DNAH3: variants seen among roughly 807,000 people sequenced by gnomAD.
The protein encoded by DNAH3 is dynein axonemal heavy chain 3.
DNAH3 carries 332 observed loss-of-function variants against 432.5 expected under a neutral mutation model. That is an observed-to-expected ratio of 0.77 (90% CI 0.70 to 0.84). The LOEUF is 0.84. Ranked by LOEUF, DNAH3 falls within the 40% of genes least tolerant of loss-of-function variation. The probability of loss-of-function intolerance (pLI) is 0.00; values close to 1 mark genes in which losing one functional copy is unlikely to be tolerated. For synonymous variants in DNAH3, 1,956 were observed against 1,900.2 expected (o/e 1.03, Z -0.76); for missense variants, 4,861 against 5,114.0 (o/e 0.95, Z 1.51).
intron 5 of DNAH3, among the ~76,000 whole-genome samples, chr16:21,136,796 TAC>T (rs1209627827): frequency 6.6e-6 from 1 of 151,640 alleles, no homozygotes; most frequent in African/African-American, 2.4e-5. Context: ...GTGGAGTGAG[TAC>T]AGAGTCCAGG....
At chr16:21,068,325 T>TGGGGGGGG (rs10547729) in intron 23 of DNAH3, among the ~76,000 whole-genome samples, 6 of 76,604 alleles carry the variant, frequency 7.8e-5, no homozygotes, top group Non-Finnish European at 1.2e-4. Flanking sequence ...TTTTTTTGGG[T>TGGGGGGGG]GGGGGGGGGG....
Position 20,947,255 on chromosome 16 carries a change from G to A in DNAH3, c.11343+1228C>T, listed in dbSNP as rs573889374. On this transcript the variant is annotated intron_variant, in intron 57 of 61. Coordinates refer to ENST00000261383, the Ensembl canonical transcript of DNAH3. ...GCTTCTGGATAGCTGACCACGTGGA[G>A]GTTCCTGGAGGGTATTTCACCCAGG... Among the ~76,000 whole-genome samples, 16 of 152,212 alleles carry A rather than the reference G, an allele frequency of 1.1e-4. No individual in the cohort carries two copies. In the East Asian group the frequency reaches 3.1e-3, roughly 29 times the overall value.
chr16:21,145,580 T>C (rs376410914), intron 2 of DNAH3, among the ~76,000 whole-genome samples, 174 bp from the exon 4 acceptor site: 2 of 152,208 alleles, frequency 1.3e-5, no homozygotes, highest in Non-Finnish European at 2.9e-5. Flanking sequence ...TCTCTGACCA[T>C]TGTAAGCATG....
At chr16:21,062,829 C>G (rs2090410369) in intron 24 of DNAH3, 146 bp from the exon 25 acceptor site, 5 of 636,948 alleles carry the variant, frequency 7.8e-6, no homozygotes, top group Non-Finnish European at 1.3e-5. Context: ...TCTTTTATCA[C>G]TTTTCATCTG....
intron 23 of DNAH3, among the ~76,000 whole-genome samples, chr16:21,068,335 G>GGGGGGCA (rs1567733961): frequency 8.9e-6 from 1 of 112,798 alleles, no homozygotes; most frequent in Non-Finnish European, 1.8e-5. Context: ...TGGGGGGGGG[G>GGGGGGCA]ACAGAGTCTC....
chr16:20,938,728 G>C (rs937837958), intron 59 of DNAH3, among the ~76,000 whole-genome samples: 20 of 150,170 alleles, frequency 1.3e-4, no homozygotes, highest in African/African-American at 4.2e-4. Context: ...TTAGAGTACT[G>C]CTTGAGATGA....
In DNAH3 at chr16:20,958,811, A is replaced by T. The variant is rs188337910; in HGVS notation, c.10826+368T>A. ...GAGAGGAAGTCTCACTCTGTCGCCC[A>T]GGCTGGAGTGCAGTGATACGATCCC... On this transcript the variant is annotated intron_variant, in intron 54 of 61. Transcript: ENST00000261383. Among the ~76,000 whole-genome samples the T allele has an allele frequency of 4.3e-3, 659 of 152,254 alleles. 5 individuals carry two copies. The highest frequency in any genetic ancestry group is 0.014 in the African/African-American group (598 of 41,548).
intron 1 of DNAH3, among the ~76,000 whole-genome samples, chr16:21,153,940 C>G (rs769454216): frequency 2.0e-5 from 3 of 152,160 alleles, no homozygotes; most frequent in East Asian, 3.8e-4. Flanking sequence ...ATATTATGCT[C>G]TTTATCACAA....
At chr16:21,065,371 G>A (rs747988707) in intron 24 of DNAH3, among the ~76,000 whole-genome samples, 32 of 152,208 alleles carry the variant, frequency 2.1e-4, no homozygotes, top group Non-Finnish European at 4.0e-4. Flanking sequence ...ATGTTGGCCA[G>A]GCTGGTCTCG....
At chr16:21,145,073 T>C in intron 3 of DNAH3, 108 bp downstream of exon 4, 3 of 978,988 alleles carry the variant, frequency 3.1e-6, no homozygotes, top group Non-Finnish European at 4.5e-6. Context: ...GATCGTGCCA[T>C]GGCACTCCAG....
At chr16:20,964,777 A>G (rs2152624257) in exon 53 of DNAH3, 1 of 1,614,138 alleles carries the variant, frequency 6.2e-7, no homozygotes, top group Non-Finnish European at 8.5e-7. Context: ...GAAGTCACTG[A>G]AGCCAGGGAT....
At chr16:21,111,844 G>GAGCCTCTCCCACTTGCCCCC (rs2092081491) in intron 13 of DNAH3, 40 bp from the exon 14 acceptor site, 2 of 1,602,142 alleles carry the variant, frequency 1.2e-6, no homozygotes, top group Admixed American at 1.7e-5. Flanking sequence ...ATTTGCCCTT[G>GAGCCTCTCCCACTTGCCCCC]AGCCTCTCCC....
chr16:20,984,863 TA>T (rs138067386), intron 48 of DNAH3, among the ~76,000 whole-genome samples, 185 bp downstream of exon 48: 26,914 of 149,800 alleles, frequency 0.18, 3,020 homozygotes, highest in Admixed American at 0.26. Context: ...AGACTGTCTT[TA>T]AAAAAAAAAT....
At chr16:21,117,684 T>C (rs982457113) in intron 11 of DNAH3, among the ~76,000 whole-genome samples, 6 of 152,168 alleles carry the variant, frequency 3.9e-5, no homozygotes, top group South Asian at 4.1e-4. Flanking sequence ...CTCATCACAA[T>C]TGCAATTAGA....
At chr16:21,037,677 G>C in intron 34 of DNAH3, 84 bp downstream of exon 34, 2 of 1,152,070 alleles carry the variant, frequency 1.7e-6, no homozygotes, top group Non-Finnish European at 2.5e-6. Context: ...GATGGAAGAG[G>C]GTATGGGGAA....
At chr16:20,935,383 T>C in exon 61 of DNAH3, 1 of 1,613,986 alleles carries the variant, frequency 6.2e-7, no homozygotes. Context: ...ATGGGGATGG[T>C]ATATTTCCGG....
chr16:21,067,791 GA>G (rs2090621640), intron 23 of DNAH3, among the ~76,000 whole-genome samples: 1 of 140,514 alleles, frequency 7.1e-6, no homozygotes, highest in Non-Finnish European at 1.5e-5. Context: ...GAGAGAGAGA[GA>G]GAGAGAGAGA....
At chr16:20,985,687 T>A (rs762205682) in exon 48 of DNAH3, 1 of 1,613,968 alleles carries the variant, frequency 6.2e-7, no homozygotes, top group South Asian at 1.1e-5. Flanking sequence ...ATCGACTATC[T>A]TTCCAGTGGG....
intron 32 of DNAH3, 67 bp downstream of exon 32, chr16:21,041,960 G>T: frequency 1.9e-6 from 3 of 1,581,076 alleles, no homozygotes; most frequent in Non-Finnish European, 2.6e-6. Flanking sequence ...GGTGTGAGCC[G>T]CCACACCCGG....
Sources: allele counts gnomAD v4.1 joint callset (sites outside exome capture counted in the v4.1 genomes callset), GRCh38; gene constraint gnomAD v4.1.1; transcripts MANE v1.5; gene names NCBI Gene and HGNC (gene_info 2026-07-23, HGNC 2026-07-21).